INPP4B: variants seen among roughly 807,000 people sequenced by gnomAD.
INPP4B encodes the protein inositol polyphosphate-4-phosphatase type II B, also known as inositol polyphosphate 4-phosphatase type II.
Under a neutral mutation model 122.5 loss-of-function variants are expected in INPP4B, and 55 were observed. That is an observed-to-expected ratio of 0.45 (90% CI 0.36 to 0.56). The LOEUF is 0.56. Ranked by LOEUF, INPP4B falls within the 20% of genes least tolerant of loss-of-function variation. The probability of loss-of-function intolerance (pLI) is 0.00; values close to 1 mark genes in which losing one functional copy is unlikely to be tolerated. For synonymous variants in INPP4B, 403 were observed against 388.7 expected, an observed-to-expected ratio of 1.04 and a Z score of -0.43; for missense variants, 1,000 against 1,097.7, an observed-to-expected ratio of 0.91 and a Z score of 1.26.
intron 3 of INPP4B, among the ~76,000 whole-genome samples, chr4:142,459,884 G>A (rs1342122688): frequency 2.0e-5 from 3 of 152,126 alleles, no homozygotes; most frequent in Non-Finnish European, 4.4e-5. Context: ...TTTAAATCTG[G>A]ATAGCAGAAT....
intron 7 of INPP4B, among the ~76,000 whole-genome samples, chr4:142,344,091 T>G (rs571016325): frequency 6.6e-6 from 1 of 152,224 alleles, no homozygotes; most frequent in Non-Finnish European, 1.5e-5. Context: ...TTGGTTATCT[T>G]TCTAATAATA....
At chr4:142,545,691 ATATATGTGTATATATATG>A (rs1315214664) in intron 2 of INPP4B, among the ~76,000 whole-genome samples, 4 of 120,000 alleles carry the variant, frequency 3.3e-5, no homozygotes, top group Admixed American at 8.3e-5. Flanking sequence ...ATACACACAT[ATATATGTGTATATATATG>A]TGTGTGTATA....
chr4:142,299,599 A>G (rs1198834237), intron 9 of INPP4B, among the ~76,000 whole-genome samples: 3 of 149,652 alleles, frequency 2.0e-5, no homozygotes, highest in Non-Finnish European at 4.4e-5. Flanking sequence ...TTTTCCATCC[A>G]TGCTTTCCAT....
At position 142,460,010 on chromosome 4, in the gene INPP4B, T is replaced by C. The variant is rs182022671; in HGVS notation, c.-127+2653A>G. On this transcript the variant is annotated intron_variant, in intron 3 of 25. Transcript: ENST00000262992. Reference sequence around the variant, plus strand: ...TTCTCAGTGTTTTGTATTTGCAATATTGTCTTAGATATATGTTCTCAAAGT... The same window carrying C: ...TTCTCAGTGTTTTGTATTTGCAATACTGTCTTAGATATATGTTCTCAAAGT... 3.3e-3 allele frequency among the ~76,000 whole-genome samples: 496 copies of C among 152,334 alleles called. 6 individuals are homozygous for C. Among genetic ancestry groups the C allele is most frequent in the Non-Finnish European group, 5.2e-3 (357 of 68,028 alleles).
chr4:142,410,930 T>C (rs1212235120), intron 5 of INPP4B, among the ~76,000 whole-genome samples: 1 of 152,224 alleles, frequency 6.6e-6, no homozygotes, highest in Non-Finnish European at 1.5e-5. Context: ...ATAAAGTTAT[T>C]CTTTTTTCAA....
At chr4:142,555,476 A>G (rs1304608231) in intron 2 of INPP4B, among the ~76,000 whole-genome samples, 6 of 152,178 alleles carry the variant, frequency 3.9e-5, no homozygotes, top group African/African-American at 1.4e-4. Flanking sequence ...TATTTATTAG[A>G]CACTGAATAG....
chr4:142,161,653 T>G (rs1244478798), intron 16 of INPP4B, among the ~76,000 whole-genome samples: 10 of 151,940 alleles, frequency 6.6e-5, no homozygotes, highest in Non-Finnish European at 2.9e-5. Context: ...CACTAAATTA[T>G]TTAGAGTAGA....
At chr4:142,457,370 G>A (rs1242568707) in intron 3 of INPP4B, among the ~76,000 whole-genome samples, 6 of 151,982 alleles carry the variant, frequency 3.9e-5, no homozygotes, top group Admixed American at 2.0e-4. Flanking sequence ...AAAAATATCT[G>A]CAAAACTTAT....
At chr4:142,035,874 C>T (rs984038607) in intron 25 of INPP4B, among the ~76,000 whole-genome samples, 3 of 152,038 alleles carry the variant, frequency 2.0e-5, no homozygotes, top group Non-Finnish European at 4.4e-5. Flanking sequence ...TGCATGCAGG[C>T]ATGTGTTGGG....
chr4:142,501,899 C>A (rs545926144), intron 2 of INPP4B, among the ~76,000 whole-genome samples: 2 of 152,188 alleles, frequency 1.3e-5, no homozygotes, highest in South Asian at 2.1e-4. Context: ...CTTTTAGAAG[C>A]CTTTGTGCTC....
At chr4:142,548,747 GTC>G (rs1338882695) in intron 2 of INPP4B, among the ~76,000 whole-genome samples, 1 of 114,024 alleles carries the variant, frequency 8.8e-6, no homozygotes, top group Admixed American at 9.3e-5. Context: ...ATACAGATGT[GTC>G]TGTGTGTGTG....
chr4:142,753,471 A>G (rs1004521033), intron 1 of INPP4B, among the ~76,000 whole-genome samples: 3 of 152,058 alleles, frequency 2.0e-5, no homozygotes, highest in Non-Finnish European at 4.4e-5. Flanking sequence ...AACATCAGCA[A>G]TCCAGCTGGT....
chr4:142,811,565 T>C (rs1322431618), intron 1 of INPP4B, among the ~76,000 whole-genome samples: 1 of 152,210 alleles, frequency 6.6e-6, no homozygotes, highest in Non-Finnish European at 1.5e-5. Flanking sequence ...ATCACATTGA[T>C]ACAATCAAAA....
At chr4:142,755,418 G>A (rs1329407171) in intron 1 of INPP4B, among the ~76,000 whole-genome samples, 1 of 151,836 alleles carries the variant, frequency 6.6e-6, no homozygotes, top group Non-Finnish European at 1.5e-5. Flanking sequence ...TCCTCTCCCT[G>A]ATGCTTTCCT....
Position 142,763,788 on chromosome 4 carries a change from A to G in INPP4B, c.-253-37887T>C, listed in dbSNP as rs369966036. Among the ~76,000 whole-genome samples the G allele has an allele frequency of 2.6e-5, 4 of 152,146 alleles. No individual in the cohort carries two copies. The South Asian group carries it at 6.2e-4, about 24-fold the overall frequency. ...TGCCATACATCTCTGTGGTTAGGAA[A>G]TTTTCTAAAGACAAAATTACAAATT... is the stretch of plus-strand genomic sequence containing the variant. On this transcript the variant is annotated intron_variant, in intron 1 of 25. Coordinates refer to ENST00000262992, the MANE Select transcript of INPP4B (RefSeq NM_001101669.3).
At chr4:142,710,867 T>C (rs1278881463) in intron 2 of INPP4B, among the ~76,000 whole-genome samples, 1 of 152,248 alleles carries the variant, frequency 6.6e-6, no homozygotes, top group Non-Finnish European at 1.5e-5. Context: ...CTGTCTTTGC[T>C]TTTGTGACAA....
intron 2 of INPP4B, among the ~76,000 whole-genome samples, chr4:142,647,447 T>C (rs922006015): frequency 1.7e-4 from 26 of 152,162 alleles, no homozygotes; most frequent in African/African-American, 6.0e-4. Flanking sequence ...GGAAGAAGTA[T>C]GCCAACAAAG....
chr4:142,763,478 C>T (rs1449733661), intron 1 of INPP4B, among the ~76,000 whole-genome samples: 2 of 151,926 alleles, frequency 1.3e-5, no homozygotes, highest in African/African-American at 4.8e-5. Flanking sequence ...TGTGAAGAAC[C>T]AACATATTGT....
chr4:142,064,637 C>CA (rs1228109158), intron 25 of INPP4B, among the ~76,000 whole-genome samples: 1 of 151,788 alleles, frequency 6.6e-6, no homozygotes, highest in Admixed American at 6.6e-5. Flanking sequence ...TTTTTTCTGG[C>CA]AAAAATAATA....
Sources: allele counts gnomAD v4.1 joint callset (sites outside exome capture counted in the v4.1 genomes callset), GRCh38; gene constraint gnomAD v4.1.1; transcripts MANE v1.5; gene names NCBI Gene and HGNC (gene_info 2026-07-23, HGNC 2026-07-21).